The following UGGT2 variants were observed in gnomAD, a reference collection of about 807,000 sequenced individuals.
UGGT2 encodes UDP-glucose:glycoprotein glucosyltransferase 2.
A neutral mutation model predicts 192.1 loss-of-function variants in UGGT2; 180 were observed. The ratio of observed to expected loss-of-function variants is 0.94; its 90% confidence interval spans 0.83 to 1.06. The LOEUF (loss-of-function observed/expected upper bound fraction) is 1.06, where lower values mean the gene tolerates loss of function less well. Among genes scored for constraint, UGGT2 ranks in the 50% least tolerant of loss-of-function variants. The pLI is 0.00. For missense variants in UGGT2, 1,849 were observed against 1,795.7 expected (o/e 1.03, Z -0.54); for synonymous variants, 580 against 591.0 (o/e 0.98, Z 0.27).
chr13:95,912,727 G>GA (rs1476728007), intron 20 of UGGT2, among the ~76,000 whole-genome samples: 1 of 152,090 alleles, frequency 6.6e-6, no homozygotes. Context: ...CACAGAATTG[G>GA]AAAAAACTAC....
intron 1 of UGGT2, among the ~76,000 whole-genome samples, chr13:96,033,105 AAGG>A (rs1566845182): frequency 2.6e-5 from 4 of 152,342 alleles, no homozygotes; most frequent in African/African-American, 9.6e-5. Flanking sequence ...GGACCTCTTC[AAGG>A]AGAACTACAA....
chr13:95,938,350 A>G (rs951924012), intron 16 of UGGT2, among the ~76,000 whole-genome samples: 1 of 152,190 alleles, frequency 6.6e-6, no homozygotes, highest in African/African-American at 2.4e-5. Context: ...AAAAGTGACT[A>G]AATAACTCAT....
chr13:96,021,006 T>A (rs1300353314), intron 4 of UGGT2, among the ~76,000 whole-genome samples: 1 of 152,134 alleles, frequency 6.6e-6, no homozygotes, highest in African/African-American at 2.4e-5. Context: ...GGTGACAAAA[T>A]ATGGACTTAG....
Position 95,878,816 on chromosome 13 carries a change from T to C in UGGT2, c.3229-960A>G, listed in dbSNP as rs185817820. Among the ~76,000 whole-genome samples, 48 of 152,328 alleles carry C rather than the reference T, an allele frequency of 3.2e-4. 1 individual carries two copies. The East Asian group carries it at 8.7e-3, about 27-fold the overall frequency. ...TTGACTGCAATTATCTCAGAAATAA[T>C]TACAACATTTGTTTACAGCATTTCT... On this transcript the variant is annotated intron_variant, in intron 27 of 38. Transcript: ENST00000376747.
intron 20 of UGGT2, among the ~76,000 whole-genome samples, chr13:95,917,457 C>T (rs1477589798): frequency 6.6e-6 from 1 of 152,142 alleles, no homozygotes; most frequent in African/African-American, 2.4e-5. Context: ...ATGACAAATA[C>T]ACACTGAAGT....
intron 20 of UGGT2, among the ~76,000 whole-genome samples, chr13:95,923,963 C>T (rs1321612375): frequency 1.3e-5 from 2 of 151,994 alleles, no homozygotes; most frequent in African/African-American, 2.4e-5. Context: ...ATGTAAAATA[C>T]TTGGGTGAAA....
chr13:95,975,987 C>G (rs994049002), intron 10 of UGGT2, among the ~76,000 whole-genome samples: 2 of 152,040 alleles, frequency 1.3e-5, no homozygotes, highest in Admixed American at 1.3e-4. Context: ...TCCACTCTTC[C>G]AGTTAAAGTA....
chr13:95,931,529 C>G (rs1337549485), intron 17 of UGGT2, among the ~76,000 whole-genome samples: 1 of 130,202 alleles, frequency 7.7e-6, no homozygotes, highest in Non-Finnish European at 1.7e-5. Context: ...CAAGACCCCA[C>G]GGTGCCGGGG....
At chr13:96,052,256 G>C (rs1195435215) in intron 1 of UGGT2, among the ~76,000 whole-genome samples, 2 of 152,160 alleles carry the variant, frequency 1.3e-5, no homozygotes, top group African/African-American at 2.4e-5. Flanking sequence ...TGATATGTGG[G>C]AACTAAGCTA....
At chr13:95,819,563 G>A (rs1181099309) in intron 38 of UGGT2, among the ~76,000 whole-genome samples, 1 of 151,470 alleles carries the variant, frequency 6.6e-6, no homozygotes. Flanking sequence ...TCTATACTTC[G>A]GTAAAGAGAA....
Position 96,006,587 on chromosome 13 carries a change from G to A in UGGT2, c.660+6720C>T, listed in dbSNP as rs533280713. Reference sequence around the variant, plus strand: ...TGCAGTGAGCTGAGATTGCACCACTGCACTCAAGACTGGGTGACAGAGCGA... The same window carrying A: ...TGCAGTGAGCTGAGATTGCACCACTACACTCAAGACTGGGTGACAGAGCGA... On this transcript the variant is annotated intron_variant, in intron 5 of 38. Transcript: ENST00000376747. Among the ~76,000 whole-genome samples, 11 of 129,272 alleles carry A rather than the reference G, an allele frequency of 8.5e-5. No homozygotes were observed. The South Asian group carries it at 9.6e-4, about 11-fold the overall frequency. 84.8% of individuals were successfully genotyped at this position (129,272 alleles called of 152,430 possible). A position where few individuals can be genotyped will look rare whatever the true frequency, so the allele number is the denominator to read the frequency against.
chr13:96,028,322 T>G (rs1305818398), intron 2 of UGGT2, among the ~76,000 whole-genome samples: 1 of 152,242 alleles, frequency 6.6e-6, no homozygotes, highest in Non-Finnish European at 1.5e-5. Context: ...AGCCTTAACA[T>G]TTTTTGAAAA....
Position 96,053,225 on chromosome 13 carries a change from C to T in UGGT2, c.88G>A (p.Ala30Thr). The T allele has an allele frequency of 6.5e-7, 1 of 1,540,230 alleles. No homozygotes were observed. The highest frequency in any genetic ancestry group is 8.7e-7 in the Non-Finnish European group (1 of 1,150,074). Residue 30 changes from alanine to threonine, a missense_variant, in exon 1 of 39, where the codon GCC (alanine) becomes ACC (threonine). Ala to Thr is a moderately conservative substitution (Grantham distance 58). Coordinates refer to ENST00000376747, the MANE Select transcript of UGGT2 (RefSeq NM_020121.4). ...WLSQLGSGTVAASKSVTAHLA... is the reference protein window; with the variant it reads ...WLSQLGSGTVTASKSVTAHLA... ...TGGGCAGTCACCGACTTGGACGCGG[C>T]GACCGTCCCGGAGCCGAGCTGCGAA...
chr13:95,913,062 C>T (rs564023169), intron 20 of UGGT2, among the ~76,000 whole-genome samples: 1 of 152,170 alleles, frequency 6.6e-6, no homozygotes, highest in Non-Finnish European at 1.5e-5. Context: ...TGGATCCTTT[C>T]CTTACACCTT....
At chr13:95,817,272 T>G (rs72636539) in intron 38 of UGGT2, among the ~76,000 whole-genome samples, 4 of 151,968 alleles carry the variant, frequency 2.6e-5, no homozygotes, top group African/African-American at 9.7e-5. Flanking sequence ...ACTCAAAAGT[T>G]AGAAAAATTT....
chr13:95,840,915 C>T (rs1201606335), intron 36 of UGGT2, among the ~76,000 whole-genome samples: 1 of 152,130 alleles, frequency 6.6e-6, no homozygotes, highest in Non-Finnish European at 1.5e-5. Context: ...ATGGATGAAG[C>T]TGGAAACCAT....
intron 17 of UGGT2, 48 bp from the exon 18 acceptor site, chr13:95,927,384 A>C (rs774868604): frequency 4.0e-6 from 6 of 1,496,274 alleles, no homozygotes; most frequent in African/African-American, 1.4e-5. Context: ...ATTTATATCC[A>C]TGTTTCAAAA....
intron 17 of UGGT2, among the ~76,000 whole-genome samples, chr13:95,929,891 C>A (rs1265038112): frequency 6.6e-6 from 1 of 152,210 alleles, no homozygotes; most frequent in Admixed American, 6.5e-5. Context: ...AACTAATTTA[C>A]ATCCCCACTA....
chr13:95,825,129 T>C (rs1324029543), intron 38 of UGGT2, among the ~76,000 whole-genome samples: 1 of 152,164 alleles, frequency 6.6e-6, no homozygotes, highest in Non-Finnish European at 1.5e-5. Flanking sequence ...TGCTATCTCC[T>C]ATGGAATTGT....
Sources: allele counts gnomAD v4.1 joint callset (sites outside exome capture counted in the v4.1 genomes callset), GRCh38; gene constraint gnomAD v4.1.1; transcripts MANE v1.5; gene names NCBI Gene and HGNC (gene_info 2026-07-23, HGNC 2026-07-21).